The following SEM1 variants were observed in gnomAD, a reference collection of about 807,000 sequenced individuals.
The protein encoded by SEM1 is SEM1 26S proteasome subunit, also known as 26S proteasome complex subunit SEM1.
A neutral mutation model predicts 12.7 loss-of-function variants in SEM1; 3 were observed. The observed-to-expected ratio is 0.24, with a 90% CI of 0.11 to 0.61. The LOEUF (loss-of-function observed/expected upper bound fraction) is 0.61, where lower values mean the gene tolerates loss of function less well. Among genes scored for constraint, SEM1 ranks in the 20% least tolerant of loss-of-function variants. SEM1 has a pLI of 0.88. For missense variants in SEM1, 59 were observed against 81.3 expected (o/e 0.73, Z 1.06); for synonymous variants, 30 against 27.8 (o/e 1.08, Z -0.25).
intron 2 of SEM1, among the ~76,000 whole-genome samples, chr7:96,559,627 A>G (rs1805630814): frequency 6.6e-6 from 1 of 152,244 alleles, no homozygotes; most frequent in African/African-American, 2.4e-5. Context: ...CGTATTGTGG[A>G]CAATCTTTTG....
At chr7:96,546,551 T>A (rs1563054745) in intron 2 of SEM1, among the ~76,000 whole-genome samples, 1 of 152,154 alleles carries the variant, frequency 6.6e-6, no homozygotes, top group Non-Finnish European at 1.5e-5. Flanking sequence ...TTTCTGGATT[T>A]ATGTTTAGGT....
At chr7:96,591,356 C>T (rs1806823668) in intron 2 of SEM1, among the ~76,000 whole-genome samples, 1 of 152,282 alleles carries the variant, frequency 6.6e-6, no homozygotes, top group South Asian at 2.1e-4. Context: ...CTGTCAACCA[C>T]CAGAATGGCG....
downstream of SEM1, chr7:96,688,279 C>T (rs376799282): frequency 6.6e-6 from 1 of 152,094 alleles, no homozygotes; most frequent in African/African-American, 2.4e-5. Context: ...CTTGAGCCCA[C>T]TTCCTCAATT....
At chr7:96,482,079 C>T (rs1269049861) in exon 4 of SEM1, 6 of 152,292 alleles carry the variant, frequency 3.9e-5, no homozygotes, top group African/African-American at 1.4e-4. Flanking sequence ...AAGTTTTGTT[C>T]TTCTCATAAC....
exon 2 of SEM1, chr7:96,486,413 G>C: frequency 6.5e-7 from 1 of 1,536,828 alleles, no homozygotes; most frequent in Non-Finnish European, 8.7e-7. Context: ...ACAAATGTTG[G>C]AGTCCTATAA....
At position 96,545,013 on chromosome 7, in the gene SEM1, T is replaced by G. The variant is rs527712388; in HGVS notation, c.171-38315A>C. The stretch of plus-strand genomic sequence containing the variant: ...GGTCAGCTGTCTTTTAAAGGCTTAT[T>G]TATGATCCCTTACTCGTAACCACTT... On this transcript the variant is annotated intron_variant and NMD_transcript_variant, in intron 2 of 3. Coordinates refer to the SEM1 transcript ENST00000466986. 3.9e-5 allele frequency among the ~76,000 whole-genome samples: 6 copies of G among 152,150 alleles called. No homozygotes were observed. In the East Asian group the frequency reaches 1.2e-3, roughly 29 times the overall value.
At chr7:96,666,259 C>T (rs548968882) in intron 2 of SEM1, among the ~76,000 whole-genome samples, 5 of 152,222 alleles carry the variant, frequency 3.3e-5, no homozygotes, top group Admixed American at 6.5e-5. Flanking sequence ...TGCCTATGAA[C>T]GGAGGCCCTG....
downstream of SEM1, among the ~76,000 whole-genome samples, chr7:96,683,997 C>T (rs2115744471): frequency 6.6e-6 from 1 of 152,058 alleles, no homozygotes; most frequent in South Asian, 2.1e-4. Context: ...GCACATTCTG[C>T]ACATGTAACT....
intron 2 of SEM1, among the ~76,000 whole-genome samples, chr7:96,531,997 T>A (rs1804656263): frequency 6.6e-6 from 1 of 152,104 alleles, no homozygotes; most frequent in Non-Finnish European, 1.5e-5. Context: ...TTAGTCTTCC[T>A]TTTCTTGAGA....
chr7:96,651,563 A>C (rs1007217177), intron 2 of SEM1, among the ~76,000 whole-genome samples: 2 of 152,110 alleles, frequency 1.3e-5, no homozygotes, highest in African/African-American at 4.8e-5. Context: ...CAAGATGGCA[A>C]AAGGATTTTG....
chr7:96,498,398 C>G (rs1052881350), upstream of SEM1, among the ~76,000 whole-genome samples: 1 of 152,084 alleles, frequency 6.6e-6, no homozygotes, highest in African/African-American at 2.4e-5. Context: ...TGCACACACA[C>G]GCATGTGTGC....
At chr7:96,557,254 G>A (rs914007697) in intron 2 of SEM1, among the ~76,000 whole-genome samples, 13 of 149,180 alleles carry the variant, frequency 8.7e-5, no homozygotes, top group African/African-American at 2.7e-4. Context: ...TCCTTTGGAG[G>A]AGGAGAAGCG....
chr7:96,653,572 TTAC>T (rs1486275818), intron 2 of SEM1: 5 of 152,258 alleles, frequency 3.3e-5, no homozygotes, highest in Non-Finnish European at 5.9e-5. Flanking sequence ...GCAAATGGAC[TTAC>T]TTTAGAGAAG....
intron 2 of SEM1, among the ~76,000 whole-genome samples, chr7:96,580,746 T>C (rs1371642253): frequency 1.3e-5 from 2 of 152,022 alleles, no homozygotes; most frequent in Non-Finnish European, 2.9e-5. Context: ...TTTCATGTGT[T>C]TTTTGGCTGC....
rs531399251 is a variant in SEM1, at chr7:96,542,758, A to C, written c.171-36060T>G. Among the ~76,000 whole-genome samples, 15 of 151,994 alleles carry C rather than the reference A, an allele frequency of 9.9e-5. No individual in the cohort carries two copies. In the East Asian group the frequency reaches 2.5e-3, roughly 26 times the overall value. On this transcript the variant is annotated intron_variant and NMD_transcript_variant, in intron 2 of 3. Coordinates refer to the SEM1 transcript ENST00000466986. ...TGGACATTCATATATGGTTTGTGAG[A>C]GTTTAAATTGCCACAAATTTTGGGG...
At position 96,541,253 on chromosome 7, in the gene SEM1, C is replaced by T. The variant is rs1028176242; in HGVS notation, c.171-34555G>A. On this transcript the variant is annotated intron_variant and NMD_transcript_variant, in intron 2 of 3. Coordinates refer to the SEM1 transcript ENST00000466986. ...TTCTCTTCAGCCTCGCCAGCATCTG[C>T]TGTTCTTGGACTTTTTAGTAATTGT... 2.6e-5 allele frequency among the ~76,000 whole-genome samples: 4 copies of T among 151,830 alleles called. No homozygotes were observed. In the South Asian group the frequency reaches 6.2e-4, roughly 24 times the overall value.
At chr7:96,626,270 G>A (rs1386747019) in intron 2 of SEM1, among the ~76,000 whole-genome samples, 1 of 152,046 alleles carries the variant, frequency 6.6e-6, no homozygotes, top group African/African-American at 2.4e-5. Context: ...ATGAGAATAT[G>A]AAAAGTTTGT....
In SEM1 at chr7:96,709,738, T is replaced by A. The variant is rs771299181; in HGVS notation, c.26A>T (p.Asp9Val). Residue 9 changes from aspartate (D) to valine (V), a missense_variant, in exon 1 of 3, where the codon GAC becomes GTC. By Grantham distance (152) the Asp-to-Val change is radical (BLOSUM62 -3). Transcript: ENST00000248566. ...GTCGTCTTCCTCTAACAGACCTAAG[T>A]CTACCGGCTGCTTTTTCTCTGACAT... MSEKKQPV[D>V]LGLLEEDDEF... The A allele has an allele frequency of 6.2e-7, 1 of 1,613,912 alleles. No homozygotes were observed. Among genetic ancestry groups the A allele is most frequent in the Non-Finnish European group, 8.5e-7 (1 of 1,179,916 alleles).
chr7:96,545,002 T>G (rs1805063242), intron 2 of SEM1, among the ~76,000 whole-genome samples: 2 of 151,994 alleles, frequency 1.3e-5, no homozygotes, highest in Admixed American at 1.3e-4. Flanking sequence ...AGCTGTCTTT[T>G]AAAGGCTTAT....
Sources: gnomAD v4.1 joint callset for allele counts (sites outside exome capture counted in the v4.1 genomes callset) on GRCh38, gnomAD v4.1.1 for gene constraint, MANE v1.5 for transcripts, NCBI Gene and HGNC (gene_info 2026-07-23, HGNC 2026-07-21) for gene names.